The following DSCAML1 variants were observed in gnomAD, a reference collection of about 807,000 sequenced individuals.
The protein encoded by DSCAML1 is DS cell adhesion molecule like 1, also known as cell adhesion molecule DSCAML1.
A neutral mutation model predicts 200.5 loss-of-function variants in DSCAML1; 38 were observed. That is an observed-to-expected ratio of 0.19 (90% CI 0.15 to 0.25). The LOEUF (loss-of-function observed/expected upper bound fraction) is 0.25. Ranked by LOEUF, DSCAML1 falls within the 10% of genes least tolerant of loss-of-function variation. The pLI is 1.00. For missense variants in DSCAML1, 2,223 were observed against 2,858.8 expected (o/e 0.78, Z 5.07); for synonymous variants, 1,215 against 1,165.0 (o/e 1.04, Z -0.87).
chr11:117,492,785 C>T (rs2137250956), intron 11 of DSCAML1, among the ~76,000 whole-genome samples: 1 of 152,322 alleles, frequency 6.6e-6, no homozygotes. Flanking sequence ...CAGGCCTCCC[C>T]TGGGAAAGGC....
chr11:117,718,040 G>T (rs2053982221), intron 3 of DSCAML1, among the ~76,000 whole-genome samples: 1 of 152,224 alleles, frequency 6.6e-6, no homozygotes, highest in African/African-American at 2.4e-5. Flanking sequence ...CCAAGTCTCA[G>T]CATATTTTAA....
intron 3 of DSCAML1, among the ~76,000 whole-genome samples, chr11:117,731,593 C>G (rs2054220133): frequency 6.6e-6 from 1 of 152,196 alleles, no homozygotes; most frequent in Non-Finnish European, 1.5e-5. Flanking sequence ...CCTGGATCCC[C>G]CCAGAAGCTG....
intron 3 of DSCAML1, among the ~76,000 whole-genome samples, chr11:117,674,292 C>A (rs569686905): frequency 6.6e-6 from 1 of 152,320 alleles, no homozygotes; most frequent in East Asian, 1.9e-4. Context: ...CCAGGCCTGT[C>A]TCCAGACTGG....
intron 19 of DSCAML1, among the ~76,000 whole-genome samples, chr11:117,455,615 T>C (rs376583812): frequency 8.5e-5 from 13 of 152,368 alleles, no homozygotes; most frequent in African/African-American, 2.9e-4. Context: ...GTTTGCATTT[T>C]GTTCTTTTAA....
chr11:117,759,758 C>T (rs927848806), intron 3 of DSCAML1, among the ~76,000 whole-genome samples: 1 of 152,038 alleles, frequency 6.6e-6, no homozygotes, highest in Non-Finnish European at 1.5e-5. Context: ...GCCTCGCAGC[C>T]CCATAAATAC....
At chr11:117,581,766 A>C (rs954677060) in intron 3 of DSCAML1, among the ~76,000 whole-genome samples, 7 of 152,208 alleles carry the variant, frequency 4.6e-5, no homozygotes, top group African/African-American at 1.7e-4. Context: ...AAGGTCATGC[A>C]GCTGGTAAGT....
chr11:117,568,676 C>T (rs970047396), intron 3 of DSCAML1, among the ~76,000 whole-genome samples: 179 of 152,130 alleles, frequency 1.2e-3, no homozygotes, highest in Non-Finnish European at 2.6e-4. Flanking sequence ...ACATGAACGA[C>T]CTCTTCAAGG....
intron 3 of DSCAML1, among the ~76,000 whole-genome samples, chr11:117,708,296 T>G (rs1157362982): frequency 6.6e-6 from 1 of 152,206 alleles, no homozygotes; most frequent in Non-Finnish European, 1.5e-5. Context: ...CTGGACCACC[T>G]GCAATGACTG....
At chr11:117,705,836 G>A (rs1035019084) in intron 3 of DSCAML1, among the ~76,000 whole-genome samples, 5 of 152,168 alleles carry the variant, frequency 3.3e-5, no homozygotes, top group African/African-American at 1.2e-4. Context: ...GTGTGACCTT[G>A]GGCTGGTACT....
At chr11:117,486,304 A>G (rs1051297044) in intron 11 of DSCAML1, among the ~76,000 whole-genome samples, 3 of 124,212 alleles carry the variant, frequency 2.4e-5, no homozygotes, top group African/African-American at 8.4e-5. Context: ...CAGATGTGAA[A>G]GTAGTGGATG....
rs1472382167 is a variant in DSCAML1 at position 117,438,831 on chromosome 11, C to G, written c.4243+54G>C. On this transcript the variant is annotated intron_variant, in intron 24 of 32. Coordinates refer to ENST00000651296, the MANE Select transcript of DSCAML1 (RefSeq NM_020693.4). ...GAAGTGGGTGAAGCCCCTTCCCTGC[C>G]CCGGGCCCAGAATTCCTTCCCCTAT... 3 of 1,431,160 alleles carry G rather than the reference C, an allele frequency of 2.1e-6. No individual in the cohort carries two copies. In the East Asian group the frequency reaches 8.3e-5, roughly 39 times the overall value. 88.7% of individuals were successfully genotyped at this position (1,431,160 alleles called of 1,614,324 possible).
intron 11 of DSCAML1, 58 bp from the exon 12 acceptor site, chr11:117,482,220 C>G: frequency 6.3e-7 from 1 of 1,591,588 alleles, no homozygotes; most frequent in Non-Finnish European, 8.6e-7. Flanking sequence ...CTGGAGGAGG[C>G]ACGCGTGCCC....
chr11:117,564,999 C>G (rs1417190209), intron 3 of DSCAML1, among the ~76,000 whole-genome samples: 1 of 152,114 alleles, frequency 6.6e-6, no homozygotes, highest in Non-Finnish European at 1.5e-5. Flanking sequence ...CTCCTGACCT[C>G]AGGTGATCTG....
At chr11:117,433,506 A>T in intron 27 of DSCAML1, 35 bp from the exon 28 acceptor site, 1 of 1,607,724 alleles carries the variant, frequency 6.2e-7, no homozygotes, top group Non-Finnish European at 8.5e-7. Flanking sequence ...GGGCTGGGTG[A>T]GAATGAAGTT....
intron 2 of DSCAML1, among the ~76,000 whole-genome samples, chr11:117,778,251 T>C (rs1410323642): frequency 6.6e-6 from 1 of 152,174 alleles, no homozygotes; most frequent in Non-Finnish European, 1.5e-5. Context: ...GGATCTGTGG[T>C]CCAGCCCTTC....
In DSCAML1 at chr11:117,428,757, A is replaced by G; in HGVS notation, c.5733T>C (p.Phe1911=). ...LPLYAKSEAF[F]RKADGREPCP... ...AGGGCTCACGTCCATCTGCCTTTCG[A>G]AAGAAGGCCTCTGACTTGGCATACA... Residue 1911 remains phenylalanine (F), a synonymous_variant, in exon 33 of 33, where the codon TTT becomes TTC. Coordinates refer to ENST00000651296, the MANE Select transcript of DSCAML1 (RefSeq NM_020693.4). 1 of 1,611,926 alleles carries G rather than the reference A, an allele frequency of 6.2e-7. No individual in the cohort carries two copies. Among genetic ancestry groups the G allele is most frequent in the Non-Finnish European group, 8.5e-7 (1 of 1,179,408 alleles).
chr11:117,429,485 C>G (rs2047739271), intron 32 of DSCAML1, among the ~76,000 whole-genome samples: 1 of 120,926 alleles, frequency 8.3e-6, no homozygotes, highest in Non-Finnish European at 2.0e-5. Flanking sequence ...CTCACTGCAA[C>G]CTCCGCTTCC....
chr11:117,475,246 C>T (rs1368030096), intron 14 of DSCAML1, among the ~76,000 whole-genome samples: 3 of 152,206 alleles, frequency 2.0e-5, no homozygotes, highest in Non-Finnish European at 2.9e-5. Flanking sequence ...TCGAGCTCCT[C>T]TTACAGGTGA....
chr11:117,475,173 A>G (rs1166832670), intron 14 of DSCAML1, among the ~76,000 whole-genome samples: 1 of 152,088 alleles, frequency 6.6e-6, no homozygotes, highest in African/African-American at 2.4e-5. Context: ...CCACGTGCTC[A>G]GCATACCCTG....
Sources: allele counts gnomAD v4.1 joint callset (sites outside exome capture counted in the v4.1 genomes callset), GRCh38; gene constraint gnomAD v4.1.1; transcripts MANE v1.5; gene names NCBI Gene and HGNC (gene_info 2026-07-23, HGNC 2026-07-21).